POT1: variants seen among roughly 807,000 people sequenced by gnomAD.
POT1 encodes protection of telomeres protein 1.
A neutral mutation model predicts 78.5 loss-of-function variants in POT1; 47 were observed. The ratio of observed to expected loss-of-function variants is 0.60; its 90% CI spans 0.47 to 0.76. The LOEUF (loss-of-function observed/expected upper bound fraction) is 0.76. Among genes scored for constraint, POT1 ranks in the 30% least tolerant of loss-of-function variants. The pLI, the probability that POT1 is intolerant of heterozygous loss-of-function variation, is 0.00. For missense variants in POT1, 646 were observed against 749.9 expected, an observed-to-expected ratio of 0.86 and a Z score of 1.62; for synonymous variants, 259 against 260.7, an observed-to-expected ratio of 0.99 and a Z score of 0.06.
At chr7:124,857,482 G>A (rs1795473898) in intron 9 of POT1, among the ~76,000 whole-genome samples, 1 of 152,050 alleles carries the variant, frequency 6.6e-6, no homozygotes, top group Non-Finnish European at 1.5e-5. Flanking sequence ...ACCATCCATG[G>A]CCCACCCCAC....
At chr7:124,885,376 G>A (rs1369635728) in intron 6 of POT1, among the ~76,000 whole-genome samples, 1 of 151,990 alleles carries the variant, frequency 6.6e-6, no homozygotes, top group African/African-American at 2.4e-5. Context: ...GGGAGGCTGA[G>A]GTGGGAGGAT....
chr7:124,877,935 CT>C (rs1796030558), intron 6 of POT1, among the ~76,000 whole-genome samples: 1 of 146,218 alleles, frequency 6.8e-6, no homozygotes, highest in Non-Finnish European at 1.5e-5. Context: ...GAGCTTCCTT[CT>C]TTTTTCCACA....
intron 6 of POT1, among the ~76,000 whole-genome samples, chr7:124,887,907 G>A (rs142560544): frequency 5.9e-4 from 89 of 151,942 alleles, no homozygotes; most frequent in African/African-American, 2.0e-3. Flanking sequence ...TGATGTTTTC[G>A]TTTACATGTT....
At chr7:124,896,011 C>T (rs927583456) in intron 5 of POT1, among the ~76,000 whole-genome samples, 1 of 151,674 alleles carries the variant, frequency 6.6e-6, no homozygotes, top group East Asian at 1.9e-4. Context: ...AACAAATACT[C>T]TATTTTCTAA....
rs1795056637 is a variant in POT1, at chr7:124,842,697, TAATA to T, written c.1163+106_1163+109del. 1.6e-5 allele frequency: 13 copies of T among 829,732 alleles called. No homozygotes were observed. The South Asian group carries it at 3.2e-4, about 20-fold the overall frequency. The allele number at this position is 829,732 out of a possible 1,614,324, so 51.4% of individuals were successfully genotyped here. On this transcript the variant is annotated intron_variant, in intron 13 of 18. Coordinates refer to ENST00000357628, the MANE Select transcript of POT1 (RefSeq NM_015450.3). ...AAAAATTTACCATTCTTGCAAAATATAATATATATATTAACAATTTACTTATTCC... is the reference window on the plus strand; with the variant it reads ...AAAAATTTACCATTCTTGCAAAATATTATATATTAACAATTTACTTATTCC...
At chr7:124,831,115 T>C (rs1794748371) in intron 15 of POT1, among the ~76,000 whole-genome samples, 2 of 152,158 alleles carry the variant, frequency 1.3e-5, no homozygotes, top group South Asian at 4.2e-4. Context: ...TACCATCTGA[T>C]GCTCGCTGGC....
intron 13 of POT1, among the ~76,000 whole-genome samples, chr7:124,841,682 T>C (rs1245401610): frequency 2.0e-5 from 3 of 152,026 alleles, no homozygotes; most frequent in South Asian, 4.1e-4. Context: ...TGGCATCATT[T>C]GGAATCAAAA....
intron 15 of POT1, among the ~76,000 whole-genome samples, chr7:124,832,822 A>C (rs1487632322): frequency 1.9e-5 from 1 of 52,196 alleles, no homozygotes; most frequent in African/African-American, 5.6e-5. Flanking sequence ...ACTTCATCTC[A>C]AAAAAAAAAA....
chr7:124,899,878 A>G lies in POT1; in HGVS notation c.-153-1504T>C, dbSNP rs933867329. Among the ~76,000 whole-genome samples, 17 of 152,134 alleles carry G rather than the reference A, an allele frequency of 1.1e-4. 1 individual carries two copies. Among genetic ancestry groups the G allele is most frequent in the African/African-American group, 2.9e-4 (12 of 41,438 alleles). On this transcript the variant is annotated intron_variant, in intron 3 of 18. Transcript: ENST00000357628. ...TTTCCTGTAGATTCTAAACTTTTTT[A>G]AAAGACTGAGTATGTATGCATTTCT...
At chr7:124,887,278 C>T (rs959143181) in intron 6 of POT1, among the ~76,000 whole-genome samples, 1 of 152,008 alleles carries the variant, frequency 6.6e-6, no homozygotes, top group Non-Finnish European at 1.5e-5. Flanking sequence ...CTTTAATGTT[C>T]CCCTTTCCTC....
At chr7:124,854,972 T>C (rs1188370453) in intron 9 of POT1, among the ~76,000 whole-genome samples, 1 of 151,628 alleles carries the variant, frequency 6.6e-6, no homozygotes, top group East Asian at 1.9e-4. Flanking sequence ...ACAAAAGGCT[T>C]TGATATTACA....
chr7:124,880,335 T>C (rs773266451), intron 6 of POT1, among the ~76,000 whole-genome samples: 2 of 152,098 alleles, frequency 1.3e-5, no homozygotes, highest in Non-Finnish European at 2.9e-5. Flanking sequence ...ATGCTCCAAA[T>C]TGATCTACTT....
chr7:124,903,059 C>T (rs187753828), intron 3 of POT1, among the ~76,000 whole-genome samples: 26 of 152,258 alleles, frequency 1.7e-4, no homozygotes, highest in Non-Finnish European at 3.1e-4. Flanking sequence ...GACTTAGACT[C>T]CCACACAATA....
At chr7:124,927,490 G>A (rs1178762298) in intron 2 of POT1, among the ~76,000 whole-genome samples, 2 of 152,170 alleles carry the variant, frequency 1.3e-5, no homozygotes, top group African/African-American at 4.8e-5. Flanking sequence ...ATTTAGGAGA[G>A]TGCCTACTAG....
chr7:124,914,352 T>C (rs1036269453), intron 3 of POT1, among the ~76,000 whole-genome samples: 1 of 152,108 alleles, frequency 6.6e-6, no homozygotes, highest in Admixed American at 6.6e-5. Context: ...ATTTGGGGAT[T>C]GGTCTTTACA....
At chr7:124,890,886 T>C (rs1796354983) in intron 6 of POT1, among the ~76,000 whole-genome samples, 1 of 151,862 alleles carries the variant, frequency 6.6e-6, no homozygotes, top group Non-Finnish European at 1.5e-5. Context: ...TCAGAAAAGA[T>C]CTTGCTATTT....
At chr7:124,922,646 G>A (rs1797180014) in intron 2 of POT1, among the ~76,000 whole-genome samples, 1 of 151,804 alleles carries the variant, frequency 6.6e-6, no homozygotes, top group Non-Finnish European at 1.5e-5. Context: ...GGAACAAAAC[G>A]GGTGTTGCTC....
chr7:124,905,627 T>C (rs1796746455), intron 3 of POT1, among the ~76,000 whole-genome samples: 1 of 151,822 alleles, frequency 6.6e-6, no homozygotes, highest in Non-Finnish European at 1.5e-5. Flanking sequence ...AAAGCCAAAA[T>C]TGACAAACGG....
chr7:124,862,788 C>G (rs539751554), intron 8 of POT1, among the ~76,000 whole-genome samples: 4 of 152,166 alleles, frequency 2.6e-5, no homozygotes, highest in Non-Finnish European at 5.9e-5. Flanking sequence ...AAACATCCAG[C>G]TTCTCCAGAA....
Sources: allele counts gnomAD v4.1 joint callset (sites outside exome capture counted in the v4.1 genomes callset), GRCh38; gene constraint gnomAD v4.1.1; transcripts MANE v1.5; gene names NCBI Gene and HGNC (gene_info 2026-07-23, HGNC 2026-07-21).